SPAG16: variants seen among roughly 807,000 people sequenced by gnomAD.
SPAG16 encodes sperm-associated antigen 16 protein.
In SPAG16, 86 loss-of-function variants were observed where a neutral mutation model predicts 80.4. That is an observed-to-expected ratio of 1.07 (90% CI 0.90 to 1.28). The LOEUF is 1.28. SPAG16 is among the 50% of genes most tolerant of loss of function. The pLI, the probability that SPAG16 is intolerant of heterozygous loss-of-function variation, is 0.00. For missense variants in SPAG16, 870 were observed against 765.3 expected (o/e 1.14, Z -1.61); for synonymous variants, 294 against 265.9 (o/e 1.11, Z -1.03).
intron 15 of SPAG16, among the ~76,000 whole-genome samples, chr2:214,407,282 T>C (rs1574537583): frequency 6.6e-6 from 1 of 152,186 alleles, no homozygotes; most frequent in Non-Finnish European, 1.5e-5. Context: ...AAATAACAAC[T>C]TAATAATCTG....
At chr2:213,375,472 G>A (rs756654085) in intron 9 of SPAG16, among the ~76,000 whole-genome samples, 11 of 151,946 alleles carry the variant, frequency 7.2e-5, no homozygotes, top group Non-Finnish European at 1.3e-4. Context: ...AAAATGTAAC[G>A]TCAGACTTTA....
At chr2:213,474,740 G>A (rs943445607) in intron 9 of SPAG16, among the ~76,000 whole-genome samples, 3 of 151,982 alleles carry the variant, frequency 2.0e-5, no homozygotes, top group African/African-American at 7.3e-5. Context: ...ACCACTCCTG[G>A]TACCAAAATC....
chr2:214,278,117 C>T (rs763512421), intron 15 of SPAG16, among the ~76,000 whole-genome samples: 6 of 152,296 alleles, frequency 3.9e-5, no homozygotes, highest in Admixed American at 2.6e-4. Context: ...TGGGACCCAC[C>T]GAGCCAGGCG....
intron 10 of SPAG16, among the ~76,000 whole-genome samples, chr2:213,666,724 G>T (rs2063618558): frequency 6.6e-6 from 1 of 152,160 alleles, no homozygotes; most frequent in Admixed American, 6.5e-5. Context: ...AAGAGGGTTT[G>T]ATTCAGTTTC....
intron 15 of SPAG16, among the ~76,000 whole-genome samples, chr2:214,287,948 C>CT: frequency 6.6e-6 from 1 of 152,236 alleles, no homozygotes; most frequent in Admixed American, 6.5e-5. Context: ...CTCCTAGCTA[C>CT]TTGGAAATAT....
intron 9 of SPAG16, among the ~76,000 whole-genome samples, chr2:213,419,959 A>G (rs2069490194): frequency 6.6e-6 from 1 of 152,244 alleles, no homozygotes; most frequent in South Asian, 2.1e-4. Flanking sequence ...CAAGTAGATG[A>G]ACGTATGACA....
At chr2:213,702,243 A>G (rs185077338) in intron 10 of SPAG16, among the ~76,000 whole-genome samples, 3 of 152,306 alleles carry the variant, frequency 2.0e-5, no homozygotes, top group African/African-American at 7.2e-5. Flanking sequence ...TGTAAAATGG[A>G]CCAATCAGCA....
intron 15 of SPAG16, among the ~76,000 whole-genome samples, chr2:214,396,216 T>C (rs1701365609): frequency 6.6e-6 from 1 of 152,160 alleles, no homozygotes; most frequent in African/African-American, 2.4e-5. Flanking sequence ...GTATGTCTTT[T>C]GCAAATATTT....
chr2:213,344,000 A>T (rs972942684), intron 6 of SPAG16, among the ~76,000 whole-genome samples: 6 of 152,144 alleles, frequency 3.9e-5, no homozygotes, highest in African/African-American at 1.4e-4. Flanking sequence ...ACTCAGGAAG[A>T]CTGGAGTTGA....
At chr2:213,880,431 T>G (rs961021838) in intron 11 of SPAG16, among the ~76,000 whole-genome samples, 1 of 152,220 alleles carries the variant, frequency 6.6e-6, no homozygotes, top group Non-Finnish European at 1.5e-5. Context: ...GCAGATTGCC[T>G]GTTTACTCTG....
At chr2:213,850,274 C>G (rs78657029) in intron 10 of SPAG16, among the ~76,000 whole-genome samples, 1 of 152,146 alleles carries the variant, frequency 6.6e-6, no homozygotes, top group Non-Finnish European at 1.5e-5. Context: ...GATGTGATAC[C>G]TTTCTTTATA....
At chr2:214,378,331 G>A (rs933884365) in intron 15 of SPAG16, among the ~76,000 whole-genome samples, 15 of 152,212 alleles carry the variant, frequency 9.9e-5, no homozygotes, top group African/African-American at 3.6e-4. Flanking sequence ...TTAAATAATA[G>A]GATAGCAAGA....
intron 15 of SPAG16, among the ~76,000 whole-genome samples, chr2:214,348,062 T>A (rs1218797502): frequency 6.6e-6 from 1 of 152,182 alleles, no homozygotes; most frequent in Non-Finnish European, 1.5e-5. Flanking sequence ...TATCTCCCAC[T>A]TTTTTGAGCA....
chr2:214,292,278 T>A (rs1693856483), intron 15 of SPAG16, among the ~76,000 whole-genome samples: 1 of 152,170 alleles, frequency 6.6e-6, no homozygotes, highest in Non-Finnish European at 1.5e-5. Context: ...TGTATCTGGA[T>A]GTGTAAATCT....
intron 10 of SPAG16, among the ~76,000 whole-genome samples, chr2:213,638,983 C>T (rs1471819600): frequency 6.6e-6 from 1 of 152,140 alleles, no homozygotes; most frequent in Non-Finnish European, 1.5e-5. Flanking sequence ...ATCTCTTTAT[C>T]ATTTTTATAT....
intron 9 of SPAG16, among the ~76,000 whole-genome samples, chr2:213,441,433 A>G (rs2070947798): frequency 6.6e-6 from 1 of 152,250 alleles, no homozygotes. Context: ...CAAAAATGGA[A>G]AACAAAATCT....
chr2:213,768,982 A>G (rs2069100231), intron 10 of SPAG16, among the ~76,000 whole-genome samples: 1 of 152,190 alleles, frequency 6.6e-6, no homozygotes, highest in Non-Finnish European at 1.5e-5. Flanking sequence ...TAGTGTCAGG[A>G]AATCCCAGGA....
chr2:213,323,139 T>A (rs552134062), intron 5 of SPAG16, among the ~76,000 whole-genome samples: 1 of 152,252 alleles, frequency 6.6e-6, no homozygotes, highest in African/African-American at 2.4e-5. Context: ...ATGGCTATTA[T>A]TAGAAAAACA....
chr2:213,530,658 G>C (rs958233449), intron 10 of SPAG16, among the ~76,000 whole-genome samples: 1 of 151,638 alleles, frequency 6.6e-6, no homozygotes, highest in Non-Finnish European at 1.5e-5. Context: ...TTGCTGTAAG[G>C]CTATTTTTTG....
Sources: allele counts gnomAD v4.1 joint callset (sites outside exome capture counted in the v4.1 genomes callset), GRCh38; gene constraint gnomAD v4.1.1; transcripts MANE v1.5; gene names NCBI Gene and HGNC (gene_info 2026-07-23, HGNC 2026-07-21).